The following ROBO2 variants were observed in gnomAD, a reference collection of about 807,000 sequenced individuals.
The protein encoded by ROBO2 is roundabout guidance receptor 2.
In ROBO2, 53 loss-of-function variants were observed where a neutral mutation model predicts 160.8. That is an observed-to-expected ratio of 0.33 (90% CI 0.26 to 0.41). The LOEUF is 0.41. Among genes scored for constraint, ROBO2 ranks in the 10% least tolerant of loss-of-function variants. ROBO2 has a pLI of 1.00. For synonymous variants in ROBO2, 664 were observed against 611.7 expected (o/e 1.09, Z -1.26); for missense variants, 1,577 against 1,722.4 (o/e 0.92, Z 1.49).
chr3:76,314,881 C>T (rs142899390), intron 2 of ROBO2, among the ~76,000 whole-genome samples: 73 of 152,154 alleles, frequency 4.8e-4, no homozygotes, highest in African/African-American at 1.7e-3. Context: ...GTCAGTGGCT[C>T]TAACCCCTGT....
At chr3:76,514,327 CACCT>C (rs1241679582) in intron 2 of ROBO2, among the ~76,000 whole-genome samples, 2 of 152,160 alleles carry the variant, frequency 1.3e-5, no homozygotes, top group Non-Finnish European at 2.9e-5. Context: ...CCCAGGCGCT[CACCT>C]ACCTCCCCAA....
chr3:76,413,087 C>T (rs2075579220), intron 2 of ROBO2, among the ~76,000 whole-genome samples: 1 of 152,218 alleles, frequency 6.6e-6, no homozygotes, highest in African/African-American at 2.4e-5. Flanking sequence ...CCCTCTGGAG[C>T]CACAGCCCAA....
chr3:76,910,823 T>C (rs2075949896), intron 2 of ROBO2, among the ~76,000 whole-genome samples: 1 of 151,122 alleles, frequency 6.6e-6, no homozygotes, highest in Non-Finnish European at 1.5e-5. Context: ...GAAGCATTAA[T>C]CATTAAAATA....
chr3:77,015,052 T>A (rs73108481), intron 2 of ROBO2, among the ~76,000 whole-genome samples: 1 of 151,342 alleles, frequency 6.6e-6, no homozygotes. Flanking sequence ...AAAAAAAAAG[T>A]ACACATTTAA....
At chr3:76,163,556 T>A (rs901723225) in intron 2 of ROBO2, among the ~76,000 whole-genome samples, 2 of 149,970 alleles carry the variant, frequency 1.3e-5, no homozygotes, top group South Asian at 4.2e-4. Flanking sequence ...GAATTATATG[T>A]ATATACATAT....
chr3:76,101,614 C>T (rs965233311), intron 2 of ROBO2, among the ~76,000 whole-genome samples: 11 of 151,826 alleles, frequency 7.2e-5, no homozygotes, highest in South Asian at 4.1e-4. Context: ...TTGTCACATA[C>T]GTATACATGT....
intron 23 of ROBO2, among the ~76,000 whole-genome samples, chr3:77,623,316 C>T (rs2094938362): frequency 6.6e-6 from 1 of 152,156 alleles, no homozygotes; most frequent in African/African-American, 2.4e-5. Context: ...GAAGACCACT[C>T]ATATCTGTAT....
intron 20 of ROBO2, 74 bp from the exon 22 acceptor site, chr3:77,607,724 T>TACACC: frequency 7.4e-7 from 1 of 1,343,798 alleles, no homozygotes; most frequent in Non-Finnish European, 1.1e-6. Flanking sequence ...GAAACATAAA[T>TACACC]ACACCTTGCC....
At chr3:76,467,251 A>G (rs2078411778) in intron 2 of ROBO2, among the ~76,000 whole-genome samples, 1 of 152,032 alleles carries the variant, frequency 6.6e-6, no homozygotes. Context: ...GCCATTTTTT[A>G]TTTCTAATTA....
intron 2 of ROBO2, among the ~76,000 whole-genome samples, chr3:76,259,535 A>G (rs1319187385): frequency 6.6e-6 from 1 of 152,156 alleles, no homozygotes; most frequent in Non-Finnish European, 1.5e-5. Flanking sequence ...CCTGGTGACA[A>G]TTGCTATAGA....
chr3:75,915,215 G>A (rs1201706299), intron 1 of ROBO2, among the ~76,000 whole-genome samples: 1 of 152,146 alleles, frequency 6.6e-6, no homozygotes, highest in Non-Finnish European at 1.5e-5. Flanking sequence ...GCTTATAGAA[G>A]ATAGAAAGCT....
At chr3:76,018,430 CTATT>C (rs920722426) in intron 2 of ROBO2, among the ~76,000 whole-genome samples, 7 of 151,774 alleles carry the variant, frequency 4.6e-5, no homozygotes, top group Admixed American at 4.6e-4. Flanking sequence ...TGCTGTATCT[CTATT>C]TACTATTTCA....
chr3:76,840,428 T>C (rs530151393), intron 2 of ROBO2, among the ~76,000 whole-genome samples: 2 of 151,254 alleles, frequency 1.3e-5, no homozygotes, highest in Non-Finnish European at 3.0e-5. Flanking sequence ...GCTAACACGG[T>C]GAAACCCCGT....
At chr3:77,086,331 T>A (rs936510377) in intron 1 of ROBO2, among the ~76,000 whole-genome samples, 3 of 152,068 alleles carry the variant, frequency 2.0e-5, no homozygotes, top group Non-Finnish European at 4.4e-5. Context: ...TTCTCAGCAA[T>A]GTTATTCGAC....
intron 2 of ROBO2, among the ~76,000 whole-genome samples, chr3:77,005,901 T>C (rs966904429): frequency 1.1e-4 from 17 of 152,220 alleles, no homozygotes; most frequent in African/African-American, 3.4e-4. Flanking sequence ...AAAGAATATA[T>C]TGGTTTTCTG....
At chr3:77,061,349 C>G (rs4476545) in intron 1 of ROBO2, among the ~76,000 whole-genome samples, 111,383 of 152,034 alleles carry the variant, frequency 0.73, 41,948 homozygotes, top group Middle Eastern at 0.89. Context: ...AGATTCTTTA[C>G]ACATGTTCAG....
Position 76,622,191 on chromosome 3 carries a change from AAAGGAAGGAAGG to A in ROBO2, c.110-475787_110-475776del, listed in dbSNP as rs1163132103. ...AGACCTCATATCTACTAAAAAAAAG[AAAGGAAGGAAGG>A]AAGGAAGGAAGGAAGGAAGGAAGGA... On this transcript the variant is annotated intron_variant, in intron 2 of 26. Transcript: ENST00000487694. 7.5e-3 allele frequency among the ~76,000 whole-genome samples: 492 copies of A among 65,766 alleles called. 15 individuals carry two copies. The highest frequency in any genetic ancestry group is 0.021 in the African/African-American group (333 of 16,178). 43.1% of individuals were successfully genotyped at this position (65,766 alleles called of 152,430 possible).
At chr3:76,539,525 T>C (rs963673641) in intron 2 of ROBO2, among the ~76,000 whole-genome samples, 10 of 152,170 alleles carry the variant, frequency 6.6e-5, no homozygotes. Flanking sequence ...CCATCCTGTT[T>C]AAGTAGCAAA....
intron 2 of ROBO2, among the ~76,000 whole-genome samples, chr3:77,316,538 C>T (rs1490320521): frequency 6.6e-6 from 1 of 152,030 alleles, no homozygotes; most frequent in Non-Finnish European, 1.5e-5. Flanking sequence ...ACCGAGTTCC[C>T]CCCAAGTCTA....
Sources: allele counts gnomAD v4.1 joint callset (sites outside exome capture counted in the v4.1 genomes callset), GRCh38; gene constraint gnomAD v4.1.1; transcripts MANE v1.5; gene names NCBI Gene and HGNC (gene_info 2026-07-23, HGNC 2026-07-21).